Variants in TRRAP observed in about 807,000 individuals in gnomAD.
TRRAP encodes the protein transformation/transcription domain associated protein, also known as transformation/transcription domain-associated protein.
In TRRAP, 41 loss-of-function variants were observed where a neutral mutation model predicts 438.8. That is an observed-to-expected ratio of 0.09 (90% CI 0.07 to 0.12). The LOEUF is 0.12. Ranked by LOEUF, TRRAP falls within the 10% of genes least tolerant of loss-of-function variation. TRRAP has a pLI of 1.00. For synonymous variants in TRRAP, 1,994 were observed against 1,962.9 expected (o/e 1.02, Z -0.42); for missense variants, 3,122 against 5,055.1 (o/e 0.62, Z 11.60).
intron 8 of TRRAP, 60 bp from the exon 9 acceptor site, chr7:98,899,362 G>A: frequency 1.4e-6 from 2 of 1,444,554 alleles, no homozygotes; most frequent in Admixed American, 1.7e-5. Context: ...GTGGGCACTG[G>A]TGGGGGCTAT....
At chr7:98,980,334 C>G (rs1431403046) in intron 58 of TRRAP, among the ~76,000 whole-genome samples, 1 of 152,198 alleles carries the variant, frequency 6.6e-6, no homozygotes, top group Non-Finnish European at 1.5e-5. Context: ...GATCTTGCTA[C>G]AGCAATTCCT....
chr7:98,903,435 A>T lies in TRRAP; in HGVS notation c.954A>T (p.Ser318=). The change falls in exon 12 of 73, where the codon TCA becomes TCT. Residue 318 remains serine (S), a synonymous_variant. Coordinates refer to ENST00000456197, the MANE Select transcript of TRRAP (RefSeq NM_001375524.1). ...QMVKGMLQLL[S]NCPAETAHLR... ...TGAAAGGAATGCTCCAGTTACTTTCAAATTGTCCAGCAGAGACTGCACACC... is the reference window on the plus strand; with the variant it reads ...TGAAAGGAATGCTCCAGTTACTTTCTAATTGTCCAGCAGAGACTGCACACC... 1 of 1,614,260 alleles carries T rather than the reference A, an allele frequency of 6.2e-7. No individual in the cohort carries two copies. The highest frequency in any genetic ancestry group is 8.5e-7 in the Non-Finnish European group (1 of 1,180,050).
intron 25 of TRRAP, 31 bp downstream of exon 25, chr7:98,930,861 T>A (rs1554412698): frequency 6.2e-7 from 1 of 1,612,658 alleles, no homozygotes; most frequent in Non-Finnish European, 8.5e-7. Flanking sequence ...AACCTAACCA[T>A]GCTGTTTTTG....
intron 11 of TRRAP, among the ~76,000 whole-genome samples, chr7:98,902,261 CTG>C (rs1261951467): frequency 3.3e-5 from 5 of 152,132 alleles, no homozygotes; most frequent in Non-Finnish European, 7.3e-5. Flanking sequence ...TCTGAGGAGA[CTG>C]TATGGTGGAT....
At chr7:98,970,372 G>A (rs1251582327) in intron 52 of TRRAP, 81 bp downstream of exon 52, 1 of 1,507,790 alleles carries the variant, frequency 6.6e-7, no homozygotes, top group East Asian at 2.3e-5. Context: ...CAGAGAGGAG[G>A]TGAGACCCCG....
At chr7:98,984,037 G>A in intron 60 of TRRAP, 56 bp from the exon 61 acceptor site, 1 of 1,502,950 alleles carries the variant, frequency 6.7e-7, no homozygotes, top group African/African-American at 1.4e-5. Flanking sequence ...GCCTTGTTGT[G>A]AAGTGCTTTG....
Position 99,012,972 on chromosome 7 carries a change from T to C in TRRAP, c.*617T>C, listed in dbSNP as rs219816. ...CCACACGCATCCACTTCGGATTCAG[T>C]GGGTGAAGACAGAACTCTGAGAGTC... On this transcript the variant is annotated 3_prime_UTR_variant, in exon 73 of 73. Transcript: ENST00000456197. This position sits in a 1 kb window ranked among gnomAD's most constrained non-coding sequence, Gnocchi z 5.9. 45,712 of 152,212 alleles carry C rather than the reference T, an allele frequency of 0.3. 11,150 individuals carry two copies. Among genetic ancestry groups the C allele is most frequent in the African/African-American group, 0.68 (28,205 of 41,502 alleles). 9.4% of individuals were successfully genotyped at this position (152,212 alleles called of 1,614,324 possible). A position where few individuals can be genotyped will look rare whatever the true frequency, so the allele number is the denominator to read the frequency against.
chr7:98,962,281 T>C (rs1013077279), intron 46 of TRRAP, 21 bp from the exon 47 acceptor site: 2 of 1,614,020 alleles, frequency 1.2e-6, no homozygotes, highest in South Asian at 2.2e-5. Flanking sequence ...CCACAGTGCC[T>C]GGGTCCCTGC....
chr7:98,886,221 T>C (rs1677909703), intron 3 of TRRAP, among the ~76,000 whole-genome samples: 1 of 152,072 alleles, frequency 6.6e-6, no homozygotes, highest in African/African-American at 2.4e-5. Flanking sequence ...ACCTGGGAGA[T>C]AGAGGTTGCA....
intron 59 of TRRAP, among the ~76,000 whole-genome samples, chr7:98,982,692 G>T (rs1453196454): frequency 2.0e-5 from 3 of 152,198 alleles, no homozygotes; most frequent in Non-Finnish European, 2.9e-5. Context: ...GGTATCAGAA[G>T]TTTGGTGCCA....
chr7:98,882,155 C>T (rs782444982), intron 3 of TRRAP, 131 bp downstream of exon 3: 44 of 820,324 alleles, frequency 5.4e-5, no homozygotes, highest in Middle Eastern at 7.4e-4. Context: ...TAGTATATTT[C>T]GAAACTGAAA....
intron 6 of TRRAP, among the ~76,000 whole-genome samples, chr7:98,894,959 A>C (rs1796137478): frequency 6.6e-6 from 1 of 151,866 alleles, no homozygotes; most frequent in African/African-American, 2.4e-5. Context: ...TTCTCACGTT[A>C]ATGTTTTTGT....
At chr7:98,922,050 C>T (rs1475195831) in intron 21 of TRRAP, 97 bp downstream of exon 21, 4 of 1,500,130 alleles carry the variant, frequency 2.7e-6, no homozygotes, top group Non-Finnish European at 2.7e-6. Flanking sequence ...CTTAGGCAAT[C>T]TCTGAGTAGA....
In TRRAP at chr7:98,964,654, C is replaced by G; in HGVS notation, c.6855C>G (p.Ala2285=). ...GGACCCTTATGATCCTCAAGTCTGC[C>G]TGCAGCAACAACCCCAGCTACATAG... ...LFGTLMILKS[A]CSNNPSYIDR... Residue 2285 remains alanine (A), a synonymous_variant, in exon 48 of 73, where the codon GCC becomes GCG. Transcript: ENST00000456197. The G allele has an allele frequency of 6.2e-7, 1 of 1,613,906 alleles. No homozygotes were observed. Among genetic ancestry groups the G allele is most frequent in the Non-Finnish European group, 8.5e-7 (1 of 1,179,928 alleles).
chr7:98,927,485 C>T (rs1227796864), intron 23 of TRRAP, 119 bp downstream of exon 23: 17 of 1,309,564 alleles, frequency 1.3e-5, no homozygotes, highest in East Asian at 5.1e-5. Context: ...GATTGATTTT[C>T]GGCTTTTATT....
chr7:98,997,974 A>G (rs541600490), intron 67 of TRRAP, among the ~76,000 whole-genome samples: 6 of 152,344 alleles, frequency 3.9e-5, no homozygotes, highest in African/African-American at 1.4e-4. Flanking sequence ...GTAGATCAAA[A>G]TGATGCTGCA....
rs1195041520 is a variant in TRRAP at position 99,012,723 on chromosome 7, T to A, written c.*368T>A. 4.5e-6 allele frequency: 1 copy of A among 223,698 alleles called. No individual in the cohort carries two copies. Among genetic ancestry groups the A allele is most frequent in the Admixed American group, 5.3e-5 (1 of 18,786 alleles). 13.9% of individuals were successfully genotyped at this position (223,698 alleles called of 1,614,324 possible). A position where few individuals can be genotyped will look rare whatever the true frequency, so the allele number is the denominator to read the frequency against. ...GTACGAACAGCTCCCTTCCATCCAT[T>A]TTTAACTCTTTCGGAAATAACACCT... On this transcript the variant is annotated 3_prime_UTR_variant, in exon 73 of 73. Transcript: ENST00000456197. This position sits in a 1 kb window ranked among gnomAD's most constrained non-coding sequence, Gnocchi z 5.9.
intron 21 of TRRAP, 21 bp downstream of exon 21, chr7:98,921,974 G>GT (rs1789816934): frequency 6.2e-7 from 1 of 1,614,096 alleles, no homozygotes; most frequent in African/African-American, 1.3e-5. Flanking sequence ...TGACAATGTC[G>GT]TTTCGTTTTA....
intron 59 of TRRAP, 84 bp from the exon 60 acceptor site, chr7:98,983,180 A>T (rs1793007012): frequency 7.8e-7 from 1 of 1,281,316 alleles, no homozygotes; most frequent in African/African-American, 1.5e-5. Flanking sequence ...TGCGATAATC[A>T]TGTCCCCAAT....
Sources: gnomAD v4.1 joint callset for allele counts (sites outside exome capture counted in the v4.1 genomes callset) on GRCh38, gnomAD v4.1.1 for gene constraint, Gnocchi (gnomAD v3.1) non-coding constraint, MANE v1.5 for transcripts, NCBI Gene and HGNC (gene_info 2026-07-23, HGNC 2026-07-21) for gene names.